ANKS1B: variants seen among roughly 807,000 people sequenced by gnomAD.
The protein encoded by ANKS1B is ankyrin repeat and sterile alpha motif domain containing 1B, also known as ankyrin repeat and sterile alpha motif domain-containing protein 1B.
A neutral mutation model predicts 148.3 loss-of-function variants in ANKS1B; 36 were observed. That is an observed-to-expected ratio of 0.24 (90% CI 0.19 to 0.32). ANKS1B has a LOEUF of 0.32. ANKS1B is among the 10% of genes least tolerant of loss of function. The pLI, the probability that ANKS1B is intolerant of heterozygous loss-of-function variation, is 1.00. For missense variants in ANKS1B, 1,157 were observed against 1,542.6 expected, an observed-to-expected ratio of 0.75 and a Z score of 4.19; for synonymous variants, 542 against 560.8, an observed-to-expected ratio of 0.97 and a Z score of 0.47.
intron 17 of ANKS1B, among the ~76,000 whole-genome samples, chr12:99,040,989 AT>A (rs1278303445): frequency 3.9e-5 from 6 of 152,190 alleles, no homozygotes; most frequent in African/African-American, 7.2e-5. Flanking sequence ...GAGAATGCGA[AT>A]AATACACTTG....
intron 10 of ANKS1B, among the ~76,000 whole-genome samples, chr12:99,479,837 T>G (rs1410207841): frequency 1.3e-5 from 2 of 151,914 alleles, no homozygotes; most frequent in Non-Finnish European, 2.9e-5. Flanking sequence ...ATGGTGACTA[T>G]AGTTAATACA....
chr12:99,329,380 A>C (rs2087060475), intron 12 of ANKS1B, among the ~76,000 whole-genome samples: 1 of 151,904 alleles, frequency 6.6e-6, no homozygotes, highest in Admixed American at 6.6e-5. Context: ...ATTTTTCATA[A>C]TTATAAATGA....
At chr12:98,871,331 C>T (rs2099667764) in intron 17 of ANKS1B, among the ~76,000 whole-genome samples, 4 of 152,078 alleles carry the variant, frequency 2.6e-5, no homozygotes, top group African/African-American at 9.7e-5. Context: ...GATATTTAGT[C>T]TAAGTACTGT....
At chr12:99,134,042 A>G (rs1004809704) in intron 15 of ANKS1B, among the ~76,000 whole-genome samples, 1 of 152,170 alleles carries the variant, frequency 6.6e-6, no homozygotes, top group African/African-American at 2.4e-5. Flanking sequence ...TACCTCCTTA[A>G]TCATCTCCAC....
chr12:99,343,303 C>A (rs916056293), intron 12 of ANKS1B, among the ~76,000 whole-genome samples: 15 of 152,044 alleles, frequency 9.9e-5, no homozygotes, highest in Admixed American at 9.8e-4. Flanking sequence ...TCCCATGATT[C>A]ACAATTGTTT....
At chr12:99,508,154 G>A (rs1448066132) in intron 9 of ANKS1B, among the ~76,000 whole-genome samples, 3 of 151,842 alleles carry the variant, frequency 2.0e-5, no homozygotes, top group Non-Finnish European at 2.9e-5. Context: ...TATTTTCAGT[G>A]TGGTACAGGA....
chr12:99,317,466 G>C (rs2084353796), intron 12 of ANKS1B, among the ~76,000 whole-genome samples: 1 of 152,106 alleles, frequency 6.6e-6, no homozygotes, highest in African/African-American at 2.4e-5. Flanking sequence ...CTCTCTGTTT[G>C]TCTGTGATTG....
intron 8 of ANKS1B, among the ~76,000 whole-genome samples, chr12:99,658,919 C>T (rs2098462861): frequency 6.6e-6 from 1 of 152,154 alleles, no homozygotes; most frequent in Admixed American, 6.5e-5. Flanking sequence ...GCCTTATTCA[C>T]ATTGTATCTC....
chr12:98,788,502 T>C (rs575795333), intron 22 of ANKS1B, among the ~76,000 whole-genome samples: 3 of 152,272 alleles, frequency 2.0e-5, no homozygotes, highest in African/African-American at 7.2e-5. Flanking sequence ...TTTCTGGTCA[T>C]AGGAGGTCTG....
intron 9 of ANKS1B, among the ~76,000 whole-genome samples, chr12:99,636,758 G>C (rs1184605968): frequency 6.6e-6 from 1 of 152,112 alleles, no homozygotes; most frequent in Non-Finnish European, 1.5e-5. Flanking sequence ...GCACGTCCAT[G>C]AATGAGAAGA....
chr12:99,697,038 C>T (rs1293919808), intron 8 of ANKS1B, among the ~76,000 whole-genome samples: 21 of 152,190 alleles, frequency 1.4e-4, no homozygotes, highest in Non-Finnish European at 2.6e-4. Flanking sequence ...CATACCACTA[C>T]GCATCTACCA....
chr12:99,002,668 C>A (rs1474085286), intron 17 of ANKS1B, among the ~76,000 whole-genome samples: 2 of 152,020 alleles, frequency 1.3e-5, no homozygotes, highest in African/African-American at 4.8e-5. Flanking sequence ...AGGTCTTGAG[C>A]CCCGATTTAA....
intron 15 of ANKS1B, among the ~76,000 whole-genome samples, chr12:99,131,370 C>T (rs1192526060): frequency 1.3e-5 from 2 of 152,180 alleles, no homozygotes; most frequent in Admixed American, 1.3e-4. Context: ...ATGTCTTCCC[C>T]TTGGCACAAA....
In ANKS1B at chr12:99,281,461, AAGCCATGGAGTCTAGCCCAAGT is replaced by A. The variant is rs140074473; in HGVS notation, c.1757-34619_1757-34598del. 5.2e-3 allele frequency among the ~76,000 whole-genome samples: 795 copies of A among 152,126 alleles called. 7 individuals are homozygous for A. Among genetic ancestry groups the A allele is most frequent in the African/African-American group, 0.018 (764 of 41,518 alleles). On this transcript the variant is annotated intron_variant, in intron 12 of 26. Coordinates refer to ENST00000683438, the MANE Select transcript of ANKS1B (RefSeq NM_001352186.2). ...CATGACCAGTGTTCTGGCTCACATGAAGCCATGGAGTCTAGCCCAAGTAGCTGAATTCAGTGGCAATGTTCAG... is the reference window on the plus strand; with the variant it reads ...CATGACCAGTGTTCTGGCTCACATGAAGCTGAATTCAGTGGCAATGTTCAG...
chr12:99,489,833 G>C (rs923984173), intron 10 of ANKS1B, among the ~76,000 whole-genome samples: 2 of 152,110 alleles, frequency 1.3e-5, no homozygotes, highest in Admixed American at 6.5e-5. Flanking sequence ...GAAAACACTA[G>C]ATGATTATTT....
intron 8 of ANKS1B, among the ~76,000 whole-genome samples, chr12:99,733,267 T>C (rs970852898): frequency 1.3e-5 from 2 of 152,182 alleles, no homozygotes; most frequent in Non-Finnish European, 2.9e-5. Context: ...ATAATCAACA[T>C]ACAATTACAA....
chr12:99,634,938 A>T (rs1335811397), intron 9 of ANKS1B, among the ~76,000 whole-genome samples: 1 of 152,216 alleles, frequency 6.6e-6, no homozygotes, highest in Non-Finnish European at 1.5e-5. Context: ...CCCAGTTAAA[A>T]AATAGAAAAA....
intron 12 of ANKS1B, among the ~76,000 whole-genome samples, chr12:99,354,812 T>C (rs1389883747): frequency 1.3e-5 from 2 of 152,064 alleles, no homozygotes; most frequent in East Asian, 1.9e-4. Context: ...GAAGTTTTTA[T>C]TGACTTTAAG....
intron 12 of ANKS1B, among the ~76,000 whole-genome samples, chr12:99,261,095 G>A (rs2153982066): frequency 6.6e-6 from 1 of 152,274 alleles, no homozygotes; most frequent in Middle Eastern, 3.4e-3. Flanking sequence ...TTCTAGCTCT[G>A]CAAAAGAAAA....
Sources: allele counts gnomAD v4.1 joint callset (sites outside exome capture counted in the v4.1 genomes callset), GRCh38; gene constraint gnomAD v4.1.1; transcripts MANE v1.5; gene names NCBI Gene and HGNC (gene_info 2026-07-23, HGNC 2026-07-21).